PCDHA4: variants seen among roughly 807,000 people sequenced by gnomAD.
PCDHA4 encodes protocadherin alpha 4.
Under a neutral mutation model 61.4 loss-of-function variants are expected in PCDHA4, and 49 were observed. The observed-to-expected ratio is 0.80, with a 90% CI of 0.63 to 1.01. The LOEUF (loss-of-function observed/expected upper bound fraction) is 1.01. Among genes scored for constraint, PCDHA4 ranks in the 50% least tolerant of loss-of-function variants. The probability of loss-of-function intolerance (pLI) is 0.00; values close to 1 mark genes in which losing one functional copy is unlikely to be tolerated. For missense variants in PCDHA4, 1,254 were observed against 1,235.8 expected (o/e 1.01, Z -0.22); for synonymous variants, 590 against 550.3 (o/e 1.07, Z -1.01).
intron 1 of PCDHA4, among the ~76,000 whole-genome samples, chr5:140,957,748 G>T (rs2095381433): frequency 6.6e-6 from 1 of 152,080 alleles, no homozygotes; most frequent in South Asian, 2.1e-4. Context: ...GACATGAAAG[G>T]ATGTTCATTA....
chr5:140,842,870 G>A, intron 1 of PCDHA4: 1 of 1,594,050 alleles, frequency 6.3e-7, no homozygotes, highest in Non-Finnish European at 8.6e-7. Flanking sequence ...GAGCGGCAAG[G>A]TGTACGCGCT....
intron 1 of PCDHA4, chr5:140,928,054 A>T (rs2084892451): frequency 1.2e-6 from 2 of 1,613,994 alleles, no homozygotes; most frequent in Non-Finnish European, 1.7e-6. Flanking sequence ...TTTTCAGCTG[A>T]CGGCTTCCTT....
chr5:141,002,189 C>T (rs1277871243), intron 3 of PCDHA4, among the ~76,000 whole-genome samples: 4 of 152,220 alleles, frequency 2.6e-5, no homozygotes, highest in African/African-American at 9.6e-5. Flanking sequence ...TGCTGTCTGG[C>T]AAGATAGTCC....
rs2082774108 is a variant in PCDHA4 at position 140,868,572 on chromosome 5, C to T, written c.2385+59000C>T. 4 of 152,854 alleles carry T rather than the reference C, an allele frequency of 2.6e-5. No individual in the cohort carries two copies. In the South Asian group the frequency reaches 6.2e-4, roughly 24 times the overall value. 9.5% of individuals were successfully genotyped at this position (152,854 alleles called of 1,614,324 possible). ...TAGTATTTTTATATGAGGAACAACA[C>T]TTTCAGGAAATGTTTAACCCTAGTT... On this transcript the variant is annotated intron_variant, in intron 1 of 3. Coordinates refer to ENST00000530339, the MANE Select transcript of PCDHA4 (RefSeq NM_018907.4).
intron 3 of PCDHA4, among the ~76,000 whole-genome samples, chr5:141,004,580 A>G (rs782539696): frequency 5.3e-5 from 8 of 152,222 alleles, no homozygotes; most frequent in Non-Finnish European, 1.2e-4. Context: ...TGTGTTCTGC[A>G]TCTCCAGATG....
chr5:140,844,531 T>C (rs1779420037), intron 1 of PCDHA4, among the ~76,000 whole-genome samples: 1 of 149,526 alleles, frequency 6.7e-6, no homozygotes, highest in African/African-American at 2.4e-5. Context: ...ACTCTAATCA[T>C]TCAACCCTTT....
At chr5:140,828,560 G>C (rs2150156766) in intron 1 of PCDHA4, 1 of 1,614,210 alleles carries the variant, frequency 6.2e-7, no homozygotes, top group South Asian at 1.1e-5. Context: ...ACTGGAGGGC[G>C]CGTCCGATGC....
intron 1 of PCDHA4, chr5:140,856,867 C>G (rs1554149232): frequency 6.3e-7 from 1 of 1,595,186 alleles, no homozygotes; most frequent in East Asian, 2.2e-5. Context: ...AAGGAATAAA[C>G]AAGGAAATGA....
At chr5:140,985,847 C>T (rs1178290779) in intron 3 of PCDHA4, among the ~76,000 whole-genome samples, 4 of 150,300 alleles carry the variant, frequency 2.7e-5, no homozygotes, top group African/African-American at 7.3e-5. Context: ...TCATGCCACT[C>T]TCCTGCCTCA....
At chr5:140,853,340 G>A (rs1398968821) in intron 1 of PCDHA4, 1 of 983,496 alleles carries the variant, frequency 1.0e-6, no homozygotes, top group East Asian at 1.1e-4. Flanking sequence ...GAGGTCATTA[G>A]CAAACATGAA....
chr5:141,002,437 T>C (rs1238744621), intron 3 of PCDHA4, among the ~76,000 whole-genome samples: 1 of 152,186 alleles, frequency 6.6e-6, no homozygotes, highest in Non-Finnish European at 1.5e-5. Context: ...GCAATAACCA[T>C]AATAATTGGC....
At chr5:140,842,619 C>T (rs2150340837) in intron 1 of PCDHA4, 8 of 1,575,272 alleles carry the variant, frequency 5.1e-6, no homozygotes, top group Middle Eastern at 1.7e-4. Context: ...GGGGGCTCGC[C>T]TTCGCTGTGG....
chr5:140,851,284 A>G, intron 1 of PCDHA4: 1 of 1,040,350 alleles, frequency 9.6e-7, no homozygotes, highest in East Asian at 5.3e-5. Context: ...TTTATAAGAA[A>G]CCCAAGCAAA....
chr5:140,966,190 C>G (rs1251814900), intron 1 of PCDHA4: 1 of 203,228 alleles, frequency 4.9e-6, no homozygotes, highest in Non-Finnish European at 9.7e-6. Context: ...AGCCAGACTT[C>G]TAGGGGCTTG....
chr5:140,837,476 A>G (rs1775072155), intron 1 of PCDHA4, among the ~76,000 whole-genome samples: 1 of 151,156 alleles, frequency 6.6e-6, no homozygotes, highest in African/African-American at 2.4e-5. Flanking sequence ...TCAAACCCCA[A>G]ACCATTTACT....
chr5:140,984,243 C>T (rs781830326), intron 3 of PCDHA4, among the ~76,000 whole-genome samples: 2 of 152,246 alleles, frequency 1.3e-5, no homozygotes, highest in Non-Finnish European at 2.9e-5. Context: ...CATTGTAGGT[C>T]GACCTGGTAA....
chr5:140,823,319 A>G, intron 1 of PCDHA4: 10 of 1,612,228 alleles, frequency 6.2e-6, no homozygotes, highest in Non-Finnish European at 7.6e-6. Context: ...GAGAGCGGCA[A>G]GGTGTACGCG....
At chr5:141,001,455 G>T (rs2098019131) in intron 3 of PCDHA4, among the ~76,000 whole-genome samples, 1 of 152,210 alleles carries the variant, frequency 6.6e-6, no homozygotes, top group Non-Finnish European at 1.5e-5. Flanking sequence ...ACTGTCAATT[G>T]AAGGACTAAG....
chr5:140,917,960 T>C (rs531936377), intron 1 of PCDHA4, among the ~76,000 whole-genome samples: 8 of 152,316 alleles, frequency 5.3e-5, no homozygotes, highest in East Asian at 3.9e-4. Context: ...AGGAACATCA[T>C]TGAATCTGTG....
Sources: gnomAD v4.1 joint callset for allele counts (sites outside exome capture counted in the v4.1 genomes callset) on GRCh38, gnomAD v4.1.1 for gene constraint, MANE v1.5 for transcripts, NCBI Gene and HGNC (gene_info 2026-07-23, HGNC 2026-07-21) for gene names.